The following PROM2 variants were observed in gnomAD, a reference collection of about 807,000 sequenced individuals.
PROM2 encodes prominin 2.
PROM2 carries 90 observed loss-of-function variants against 110.2 expected under a neutral mutation model. The observed-to-expected ratio is 0.82, with a 90% CI of 0.69 to 0.97. PROM2 has a LOEUF of 0.97. Ranked by LOEUF, PROM2 falls within the 50% of genes least tolerant of loss-of-function variation. PROM2 has a pLI of 0.00. For synonymous variants in PROM2, 470 were observed against 467.8 expected (o/e 1.00, Z -0.06); for missense variants, 1,009 against 1,074.8 (o/e 0.94, Z 0.86).
intron 10 of PROM2, among the ~76,000 whole-genome samples, chr2:95,279,590 C>G (rs375045930): frequency 6.6e-6 from 1 of 152,140 alleles, no homozygotes; most frequent in African/African-American, 2.4e-5. Flanking sequence ...CCACCGCGCC[C>G]GGCCGCTTCT....
At chr2:95,280,134 A>G in intron 11 of PROM2, 137 bp downstream of exon 11, 3 of 873,108 alleles carry the variant, frequency 3.4e-6, no homozygotes, top group Non-Finnish European at 4.6e-6. Flanking sequence ...CAGAGCAGGA[A>G]TGGCCAACAA....
At position 95,276,176 on chromosome 2, in the gene PROM2, C is replaced by T; in HGVS notation, c.497+44C>T. 2 of 1,612,572 alleles carry T rather than the reference C, an allele frequency of 1.2e-6. No individual in the cohort carries two copies. Among genetic ancestry groups the T allele is most frequent in the South Asian group, 1.1e-5 (1 of 91,042 alleles). The stretch of plus-strand genomic sequence containing the variant: ...CCCGGGTAGGGCGGGCTGTGGCCCC[C>T]AGGCTCCCTCTTACCCAGCAAGCAC... On this transcript the variant is annotated intron_variant, in intron 3 of 23. Transcript: ENST00000317620. The surrounding 1 kb of genome is among the most constrained non-coding windows in gnomAD (Gnocchi z 4.6).
chr2:95,285,866 G>A (rs1449374860), intron 16 of PROM2, among the ~76,000 whole-genome samples, 156 bp downstream of exon 16: 1 of 152,260 alleles, frequency 6.6e-6, no homozygotes, highest in African/African-American at 2.4e-5. Flanking sequence ...GGAGGGTTTT[G>A]CAGCATCAGT....
At chr2:95,277,845 G>T (rs1372903512) in intron 7 of PROM2, 85 bp from the exon 8 acceptor site, 4 of 1,175,076 alleles carry the variant, frequency 3.4e-6, no homozygotes, top group Non-Finnish European at 5.0e-6. Flanking sequence ...GGGGTTCAGA[G>T]GCCCCTGCCC....
rs1677663665 is a variant in PROM2, at chr2:95,291,178, G to C, written c.*1965G>C. 6.6e-6 allele frequency: 1 copy of C among 152,078 alleles called. No individual in the cohort carries two copies. Among genetic ancestry groups the C allele is most frequent in the South Asian group, 2.1e-4 (1 of 4,814 alleles). 9.4% of individuals were successfully genotyped at this position (152,078 alleles called of 1,614,324 possible). A position where few individuals can be genotyped will look rare whatever the true frequency, so the allele number is the denominator to read the frequency against. On this transcript the variant is annotated 3_prime_UTR_variant, in exon 24 of 24. Coordinates refer to ENST00000317620, the MANE Select transcript of PROM2 (RefSeq NM_001165978.3). ...TGTCAGATGAGCATGCTTGAATGTA[G>C]CATGACTGCCTCTTTTTGCTTTTCC...
chr2:95,288,694 G>A, intron 22 of PROM2, 105 bp downstream of exon 22: 1 of 1,014,694 alleles, frequency 9.9e-7, no homozygotes, highest in Non-Finnish European at 1.5e-6. Context: ...CCAGGCAGAG[G>A]AGGCTCATGA....
chr2:95,287,521 A>G (rs1573463765), intron 20 of PROM2, 57 bp downstream of exon 20: 2 of 1,570,558 alleles, frequency 1.3e-6, no homozygotes, highest in Non-Finnish European at 1.7e-6. Context: ...CCAGCTGTTC[A>G]CCCTGCTCTG....
rs764097427 is a variant in PROM2, at chr2:95,275,393, G to A, written c.245-68G>A. 1.2e-4 allele frequency: 180 copies of A among 1,477,750 alleles called. No homozygotes were observed. The highest frequency in any genetic ancestry group is 1.6e-4 in the Non-Finnish European group (169 of 1,082,558). 91.5% of individuals were successfully genotyped at this position (1,477,750 alleles called of 1,614,324 possible). A position where few individuals can be genotyped will look rare whatever the true frequency, so the allele number is the denominator to read the frequency against. On this transcript the variant is annotated intron_variant, in intron 1 of 23. Transcript: ENST00000317620. This position sits in a 1 kb window ranked among gnomAD's most constrained non-coding sequence, Gnocchi z 4.4. ...TCAGAGCCACTTTGCCCTGGCAGTG[G>A]GGAGAGGAGGGACACAGGGGCAGGG...
Position 95,275,036 on chromosome 2 carries a change from T to C in PROM2, c.244+207T>C. On this transcript the variant is annotated intron_variant, in intron 1 of 23. Coordinates refer to ENST00000317620, the MANE Select transcript of PROM2 (RefSeq NM_001165978.3). The surrounding 1 kb of genome is among the most constrained non-coding windows in gnomAD (Gnocchi z 4.4). ...CTTCCTCTCTGAGCCTCAGGTGCTC[T>C]GTCTGTAAAGTGAGGAGGTTACATT... 1 of 573,182 alleles carries C rather than the reference T, an allele frequency of 1.7e-6. No individual in the cohort carries two copies. The highest frequency in any genetic ancestry group is 3.2e-5 in the South Asian group (1 of 30,972). 35.5% of individuals were successfully genotyped at this position (573,182 alleles called of 1,614,324 possible).
rs1368978172 is a variant in PROM2 at position 95,278,160 on chromosome 2, G to A, written c.1050+156G>A. On this transcript the variant is annotated intron_variant, in intron 8 of 23. Coordinates refer to ENST00000317620, the MANE Select transcript of PROM2 (RefSeq NM_001165978.3). The stretch of plus-strand genomic sequence containing the variant: ...GGGACTCCCGACGACCATCCTTGGT[G>A]TGCACACAATCTGTGCTCAGATGGG... 3 of 644,698 alleles carry A rather than the reference G, an allele frequency of 4.7e-6. No homozygotes were observed. The Admixed American group carries it at 7.7e-5, about 16-fold the overall frequency. 39.9% of individuals were successfully genotyped at this position (644,698 alleles called of 1,614,324 possible).
Position 95,275,950 on chromosome 2 carries a change from C to T in PROM2, c.315C>T (p.Gly105=). ...CCCAGGTGGTGCGGTACGAGGCGGG[C>T]TACGTGGTATGCGCTGTGATCGCGG... ...KVNEVVRYEA[G]YVVCAVIAGL... The change falls in exon 3 of 24, where the codon GGC becomes GGT. Residue 105 remains glycine (G), a synonymous_variant. Coordinates refer to ENST00000317620, the MANE Select transcript of PROM2 (RefSeq NM_001165978.3). This position sits in a 1 kb window ranked among gnomAD's most constrained non-coding sequence, Gnocchi z 4.4. The T allele has an allele frequency of 6.2e-7, 1 of 1,611,844 alleles. No individual in the cohort carries two copies. The highest frequency in any genetic ancestry group is 8.5e-7 in the Non-Finnish European group (1 of 1,179,620).
chr2:95,286,346 G>T, intron 16 of PROM2, 133 bp from the exon 17 acceptor site: 1 of 694,978 alleles, frequency 1.4e-6, no homozygotes. Flanking sequence ...TCAGGCCCTG[G>T]AGCTTAAGGA....
In PROM2 at chr2:95,285,663, A is replaced by T; in HGVS notation, c.1900A>T (p.Ser634Cys). 1 of 1,604,232 alleles carries T rather than the reference A, an allele frequency of 6.2e-7. No individual in the cohort carries two copies. Residue 634 changes from serine (S) to cysteine (C), a missense_variant, in exon 16 of 24, where the codon AGC (serine) becomes TGC (cysteine). Coordinates refer to ENST00000317620, the MANE Select transcript of PROM2 (RefSeq NM_001165978.3). ...VQIQRPVVKT[S>C]MEQLAQELQG... ...GATCCAGAGGCCCGTGGTGAAGACC[A>T]GCATGGAGCAGCTGGCCCAGGAGCT... is the stretch of plus-strand genomic sequence containing the variant.
intron 11 of PROM2, among the ~76,000 whole-genome samples, chr2:95,280,745 A>C (rs1419879714): frequency 6.6e-6 from 1 of 152,154 alleles, no homozygotes; most frequent in Non-Finnish European, 1.5e-5. Flanking sequence ...CCCAGGCTCA[A>C]GCGATTCTCA....
intron 13 of PROM2, 39 bp from the exon 14 acceptor site, chr2:95,282,103 C>T (rs1573455142): frequency 1.9e-6 from 3 of 1,610,014 alleles, no homozygotes; most frequent in African/African-American, 2.7e-5. Flanking sequence ...CCCCCGCCAC[C>T]CCCAAGGCTC....
rs1241982778 is a variant in PROM2, at chr2:95,277,002, A to G, written c.713A>G (p.His238Arg). 3.2e-6 allele frequency: 5 copies of G among 1,553,142 alleles called. No homozygotes were observed. Among genetic ancestry groups the G allele is most frequent in the Non-Finnish European group, 4.4e-6 (5 of 1,147,622 alleles). Residue 238 changes from histidine (H) to arginine (R), a missense_variant, in exon 6 of 24, where the codon CAC becomes CGC. Coordinates refer to ENST00000317620, the MANE Select transcript of PROM2 (RefSeq NM_001165978.3). ...GVGVSIGSAI[H>R]TQLRSSVYPL... Reference sequence around the variant, plus strand: ...GGTGTGAGCATTGGGAGCGCGATCCACACTCAGCTCAGGAGCTCCGTGTAC... The same window carrying G: ...GGTGTGAGCATTGGGAGCGCGATCCGCACTCAGCTCAGGAGCTCCGTGTAC...
chr2:95,281,878 T>C (rs570715190), intron 12 of PROM2, 47 bp from the exon 13 acceptor site: 22 of 1,384,052 alleles, frequency 1.6e-5, no homozygotes, highest in Non-Finnish European at 2.1e-5. Flanking sequence ...CAGGGTGGCC[T>C]TGCCCCCACC....
chr2:95,274,970 G>A (rs1390957651), intron 1 of PROM2, 141 bp downstream of exon 1: 1 of 1,123,056 alleles, frequency 8.9e-7, no homozygotes, highest in Non-Finnish European at 1.2e-6. Flanking sequence ...AGGATCTGGG[G>A]AGGGCTCCAG....
Position 95,276,474 on chromosome 2 carries a change from C to T in PROM2, c.619-120C>T, listed in dbSNP as rs889947033. On this transcript the variant is annotated intron_variant, in intron 4 of 23. Coordinates refer to ENST00000317620, the MANE Select transcript of PROM2 (RefSeq NM_001165978.3). This position sits in a 1 kb window ranked among gnomAD's most constrained non-coding sequence, Gnocchi z 4.6. Reference sequence around the variant, plus strand: ...AAAGCCGCCTCCTCTCCCGCCCTTGCCTGAGAGTCGACCACCCTCAGGGTG... The same window carrying T: ...AAAGCCGCCTCCTCTCCCGCCCTTGTCTGAGAGTCGACCACCCTCAGGGTG... 8.2e-6 allele frequency: 13 copies of T among 1,594,736 alleles called. No homozygotes were observed. Among genetic ancestry groups the T allele is most frequent in the Non-Finnish European group, 1.1e-5 (13 of 1,165,862 alleles).
Sources: allele counts gnomAD v4.1 joint callset (sites outside exome capture counted in the v4.1 genomes callset), GRCh38; gene constraint gnomAD v4.1.1; non-coding constraint Gnocchi (gnomAD v3.1); transcripts MANE v1.5; gene names NCBI Gene and HGNC (gene_info 2026-07-23, HGNC 2026-07-21).